Variants in NELL2 observed in about 807,000 individuals in gnomAD.
NELL2 encodes protein kinase C-binding protein NELL2.
A neutral mutation model predicts 109.6 loss-of-function variants in NELL2; 41 were observed. The ratio of observed to expected loss-of-function variants is 0.37; its 90% CI spans 0.29 to 0.49. The LOEUF (loss-of-function observed/expected upper bound fraction) is 0.49. NELL2 is among the 20% of genes least tolerant of loss of function. The pLI is 0.98. For synonymous variants in NELL2, 355 were observed against 344.7 expected (o/e 1.03, Z -0.33); for missense variants, 900 against 1,008.3 (o/e 0.89, Z 1.45).
chr12:44,756,655 T>C (rs900492669), intron 9 of NELL2, among the ~76,000 whole-genome samples: 1 of 152,180 alleles, frequency 6.6e-6, no homozygotes, highest in African/African-American at 2.4e-5. Context: ...TCTGCTACCA[T>C]GTATCACTTC....
intron 9 of NELL2, among the ~76,000 whole-genome samples, chr12:44,716,901 G>A (rs140699489): frequency 2.3e-3 from 356 of 152,086 alleles, no homozygotes; most frequent in African/African-American, 8.1e-3. Flanking sequence ...GAGCAGATGG[G>A]CCTTCTGTTT....
chr12:44,757,716 T>C (rs1940949023), intron 9 of NELL2, among the ~76,000 whole-genome samples: 1 of 152,176 alleles, frequency 6.6e-6, no homozygotes, highest in African/African-American at 2.4e-5. Context: ...TTTTGTACAA[T>C]GTTCAACCTA....
intron 1 of NELL2, among the ~76,000 whole-genome samples, chr12:44,894,126 A>G (rs1474863812): frequency 3.9e-5 from 6 of 152,194 alleles, no homozygotes; most frequent in African/African-American, 1.4e-4. Context: ...TATGCTCATA[A>G]GTTTAGTCAT....
chr12:44,755,245 T>C (rs1215332809), intron 9 of NELL2, among the ~76,000 whole-genome samples: 2 of 152,164 alleles, frequency 1.3e-5, no homozygotes, highest in East Asian at 1.9e-4. Context: ...ATACTTCATA[T>C]ATACCATGAA....
chr12:44,732,306 A>C (rs1488611812), intron 9 of NELL2, among the ~76,000 whole-genome samples: 2 of 151,994 alleles, frequency 1.3e-5, no homozygotes, highest in Admixed American at 6.6e-5. Context: ...ACACTTCCTG[A>C]CTTTCAAACA....
At chr12:44,749,567 T>C (rs930378729) in intron 9 of NELL2, among the ~76,000 whole-genome samples, 8 of 152,138 alleles carry the variant, frequency 5.3e-5, no homozygotes, top group African/African-American at 1.9e-4. Context: ...TAGAAGAAAC[T>C]ATTTTGTCAC....
chr12:44,567,402 A>T (rs1943703356), intron 15 of NELL2, among the ~76,000 whole-genome samples: 1 of 152,220 alleles, frequency 6.6e-6, no homozygotes, highest in South Asian at 2.1e-4. Flanking sequence ...TCAGACTCTG[A>T]TTTGAAAAAT....
At chr12:44,544,100 T>TC (rs951720319) in intron 15 of NELL2, among the ~76,000 whole-genome samples, 3 of 151,146 alleles carry the variant, frequency 2.0e-5, no homozygotes, top group South Asian at 2.1e-4. Context: ...TAGGGAGGAA[T>TC]AAAAAAAAAC....
At chr12:44,556,612 G>T (rs1303963588) in intron 15 of NELL2, among the ~76,000 whole-genome samples, 3 of 152,176 alleles carry the variant, frequency 2.0e-5, no homozygotes, top group Non-Finnish European at 2.9e-5. Flanking sequence ...CTCCTCCATG[G>T]ATGTGAGGGG....
At chr12:44,811,022 T>C (rs930731670) in intron 3 of NELL2, among the ~76,000 whole-genome samples, 4 of 152,144 alleles carry the variant, frequency 2.6e-5, no homozygotes, top group Non-Finnish European at 5.9e-5. Context: ...TCATGTCCTT[T>C]GCAGGGACAT....
intron 9 of NELL2, among the ~76,000 whole-genome samples, chr12:44,747,473 G>A (rs570806048): frequency 6.6e-6 from 1 of 151,670 alleles, no homozygotes; most frequent in South Asian, 2.1e-4. Context: ...ATATTAAAAA[G>A]AATACAGTAT....
At chr12:44,625,551 A>C (rs1946226483) in intron 13 of NELL2, among the ~76,000 whole-genome samples, 1 of 152,018 alleles carries the variant, frequency 6.6e-6, no homozygotes, top group African/African-American at 2.4e-5. Context: ...AGAATTTAGT[A>C]CTTCATCTGT....
chr12:44,818,736 T>TTG lies in NELL2; in HGVS notation c.185-2601_185-2600insCA, dbSNP rs1943440041. On this transcript the variant is annotated intron_variant, in intron 2 of 19. Coordinates refer to ENST00000429094, the MANE Select transcript of NELL2 (RefSeq NM_001145108.2). Reference sequence around the variant, plus strand: ...TATTTTGTTCACTTATTTTTTTTTTTTTATTTTTTTTTTTTTTGAGACGGA... The same window carrying TTG: ...TATTTTGTTCACTTATTTTTTTTTTTTGTTATTTTTTTTTTTTTTGAGACGGA... Among the ~76,000 whole-genome samples the TTG allele has an allele frequency of 2.3e-5, 2 of 87,394 alleles. 1 individual carries two copies. 57.3% of individuals were successfully genotyped at this position (87,394 alleles called of 152,430 possible).
At chr12:44,684,869 T>C (rs1948660049) in intron 12 of NELL2, among the ~76,000 whole-genome samples, 1 of 152,284 alleles carries the variant, frequency 6.6e-6, no homozygotes, top group African/African-American at 2.4e-5. Context: ...AGGTGTGGTG[T>C]GGTGCTGAAA....
chr12:44,559,571 A>T (rs547506882), intron 15 of NELL2, among the ~76,000 whole-genome samples: 1 of 152,324 alleles, frequency 6.6e-6, no homozygotes, highest in South Asian at 2.1e-4. Context: ...AAAGGACAAA[A>T]AAGACACAGA....
At chr12:44,517,213 C>T (rs1309623460) in intron 19 of NELL2, among the ~76,000 whole-genome samples, 2 of 151,982 alleles carry the variant, frequency 1.3e-5, no homozygotes, top group South Asian at 4.1e-4. Flanking sequence ...ATATTAAAAG[C>T]TTTATTATAA....
chr12:44,868,418 TATTC>T (rs1555230288), intron 2 of NELL2, among the ~76,000 whole-genome samples: 1 of 152,212 alleles, frequency 6.6e-6, no homozygotes, highest in Non-Finnish European at 1.5e-5. Context: ...CATTTTTCTG[TATTC>T]ATTCATCCAT....
chr12:44,627,190 A>G (rs1360834223), intron 13 of NELL2, among the ~76,000 whole-genome samples: 1 of 152,164 alleles, frequency 6.6e-6, no homozygotes, highest in Non-Finnish European at 1.5e-5. Context: ...AATCCAACCC[A>G]AATCCTGCAT....
At chr12:44,766,039 T>C (rs1941319307) in intron 9 of NELL2, among the ~76,000 whole-genome samples, 2 of 151,612 alleles carry the variant, frequency 1.3e-5, no homozygotes, top group Non-Finnish European at 2.9e-5. Context: ...TGAGTCAAGA[T>C]TGTGCCACCA....
Sources: gnomAD v4.1 joint callset for allele counts (sites outside exome capture counted in the v4.1 genomes callset) on GRCh38, gnomAD v4.1.1 for gene constraint, MANE v1.5 for transcripts, NCBI Gene and HGNC (gene_info 2026-07-23, HGNC 2026-07-21) for gene names.